The following MYO16 variants were observed in gnomAD, a reference collection of about 807,000 sequenced individuals.
MYO16 encodes the protein unconventional myosin-XVI.
A neutral mutation model predicts 205.3 loss-of-function variants in MYO16; 94 were observed. The observed-to-expected ratio is 0.46, with a 90% CI of 0.39 to 0.54. The LOEUF is 0.54. Ranked by LOEUF, MYO16 falls within the 20% of genes least tolerant of loss-of-function variation. MYO16 has a pLI of 0.00. For missense variants in MYO16, 2,315 were observed against 2,387.5 expected, an observed-to-expected ratio of 0.97 and a Z score of 0.63; for synonymous variants, 988 against 954.0, an observed-to-expected ratio of 1.04 and a Z score of -0.66.
the MYO16 span, among the ~76,000 whole-genome samples, chr13:108,498,367 C>G: frequency 2.6e-5 from 4 of 152,046 alleles, no homozygotes; most frequent in Non-Finnish European, 4.4e-5. Flanking sequence ...GATGTTGGGT[C>G]TTGCTGTCTC....
At chr13:108,964,041 G>T (rs1237074213) in intron 19 of MYO16, among the ~76,000 whole-genome samples, 1 of 152,138 alleles carries the variant, frequency 6.6e-6, no homozygotes, top group Admixed American at 6.6e-5. Context: ...AACCCGCATT[G>T]CACGTGGACC....
intron 23 of MYO16, among the ~76,000 whole-genome samples, chr13:109,029,213 C>T (rs1286128265): frequency 6.9e-6 from 1 of 144,136 alleles, no homozygotes; most frequent in African/African-American, 2.6e-5. Context: ...CTCCCAGGTT[C>T]AAGTGATTCT....
chr13:109,046,544 A>C (rs752249280), intron 23 of MYO16, among the ~76,000 whole-genome samples: 23 of 152,206 alleles, frequency 1.5e-4, no homozygotes, highest in Non-Finnish European at 3.2e-4. Flanking sequence ...AAATTTCTCA[A>C]ACTGAAATCA....
At chr13:108,677,286 G>C (rs1268080659) in intron 2 of MYO16, among the ~76,000 whole-genome samples, 2 of 149,760 alleles carry the variant, frequency 1.3e-5, no homozygotes, top group Admixed American at 1.3e-4. Flanking sequence ...GTTCTCCAGA[G>C]AACTAGAACC....
At chr13:108,501,979 C>T in the MYO16 span, among the ~76,000 whole-genome samples, 2 of 152,064 alleles carry the variant, frequency 1.3e-5, no homozygotes, top group Admixed American at 6.5e-5. Flanking sequence ...TTTGGGAGGC[C>T]GAGGCGGGCG....
Position 108,962,484 on chromosome 13 carries a change from A to G in MYO16, c.2216A>G (p.Gln739Arg). ...GCATCTGCCTTAACAACTGATATTCAATATTTTAAAGGTAATTTTTTTATG... is the reference window on the plus strand; with the variant it reads ...GCATCTGCCTTAACAACTGATATTCGATATTTTAAAGGTAATTTTTTTATG... ...ELASALTTDIQYFKGDMIIRR... is the reference protein window; with the variant it reads ...ELASALTTDIRYFKGDMIIRR... The change falls in exon 19 of 35, where the codon CAA becomes CGA. Residue 739 changes from glutamine to arginine, a missense_variant. Around this residue, in one of 3 missense-constraint regions of MYO16, gnomAD observed 1,213 missense variants for 1,274.4 expected, o/e 0.95. Coordinates refer to ENST00000457511, the MANE Select transcript of MYO16 (RefSeq NM_001198950.3). The G allele has an allele frequency of 6.3e-7, 1 of 1,578,644 alleles. No individual in the cohort carries two copies. The highest frequency in any genetic ancestry group is 8.6e-7 in the Non-Finnish European group (1 of 1,166,842).
chr13:109,023,310 ATATT>A (rs1197523952), intron 23 of MYO16, among the ~76,000 whole-genome samples: 2 of 85,658 alleles, frequency 2.3e-5, no homozygotes, highest in Non-Finnish European at 4.1e-5. Flanking sequence ...ATAAATATAT[ATATT>A]TATATATTAT....
chr13:108,539,154 G>A, the MYO16 span, among the ~76,000 whole-genome samples: 62 of 152,184 alleles, frequency 4.1e-4, no homozygotes, highest in African/African-American at 1.5e-3. Flanking sequence ...CTGTACCTGA[G>A]TTAAGAGGGA....
chr13:108,701,232 T>G (rs1883295420), intron 2 of MYO16, among the ~76,000 whole-genome samples: 1 of 152,092 alleles, frequency 6.6e-6, no homozygotes, highest in Non-Finnish European at 1.5e-5. Context: ...TTTCAAAGTC[T>G]CCACATTTTA....
intron 2 of MYO16, among the ~76,000 whole-genome samples, chr13:108,687,637 T>G (rs575949413): frequency 5.3e-5 from 8 of 152,312 alleles, no homozygotes; most frequent in African/African-American, 1.4e-4. Context: ...TAAAAAGAAC[T>G]TGATGTATTT....
chr13:108,957,401 A>AAAT (rs398024381), intron 16 of MYO16, among the ~76,000 whole-genome samples: 4 of 151,248 alleles, frequency 2.6e-5, no homozygotes, highest in Non-Finnish European at 4.4e-5. Flanking sequence ...AAAAAAAAAA[A>AAAT]CAAAAACATG....
At chr13:108,749,784 C>T (rs927249197) in intron 4 of MYO16, among the ~76,000 whole-genome samples, 2 of 152,204 alleles carry the variant, frequency 1.3e-5, no homozygotes, top group African/African-American at 4.8e-5. Flanking sequence ...GGTTTTTACA[C>T]AAATGAGTTG....
intron 16 of MYO16, among the ~76,000 whole-genome samples, chr13:108,935,752 T>C (rs1341085743): frequency 2.0e-5 from 3 of 152,116 alleles, no homozygotes. Flanking sequence ...CGATGTTGGC[T>C]GTAGGTTTAT....
chr13:108,706,274 A>G (rs1287191083), intron 2 of MYO16, among the ~76,000 whole-genome samples: 1 of 152,208 alleles, frequency 6.6e-6, no homozygotes, highest in African/African-American at 2.4e-5. Context: ...CGTGGCTGAA[A>G]AGGATTTCAT....
intron 32 of MYO16, among the ~76,000 whole-genome samples, chr13:109,148,008 C>G (rs867454343): frequency 6.6e-6 from 1 of 151,878 alleles, no homozygotes; most frequent in African/African-American, 2.4e-5. Flanking sequence ...GAATATGTCT[C>G]TTTGGAAGAA....
At chr13:109,094,809 C>A (rs898055159) in intron 27 of MYO16, among the ~76,000 whole-genome samples, 1 of 152,146 alleles carries the variant, frequency 6.6e-6, no homozygotes, top group Non-Finnish European at 1.5e-5. Flanking sequence ...TCATCCATGT[C>A]CCTGCAAAGG....
chr13:108,862,986 A>T (rs1177890598), intron 11 of MYO16, among the ~76,000 whole-genome samples: 1 of 152,102 alleles, frequency 6.6e-6, no homozygotes, highest in African/African-American at 2.4e-5. Context: ...ATGGAAAATA[A>T]GAAGAAAAAA....
intron 27 of MYO16, among the ~76,000 whole-genome samples, chr13:109,080,707 C>T (rs764379882): frequency 3.3e-5 from 5 of 151,972 alleles, no homozygotes; most frequent in Non-Finnish European, 5.9e-5. Flanking sequence ...ACCCGGAGAA[C>T]TCTGAGACAT....
chr13:108,819,600 A>G (rs1253996194), intron 7 of MYO16, among the ~76,000 whole-genome samples: 1 of 152,140 alleles, frequency 6.6e-6, no homozygotes, highest in Non-Finnish European at 1.5e-5. Flanking sequence ...AGTATACAGA[A>G]ATTTATTTCA....
Sources: gnomAD v4.1 joint callset for allele counts (sites outside exome capture counted in the v4.1 genomes callset) on GRCh38, gnomAD v4.1.1 for gene constraint, gnomAD v4.1.1 regional missense constraint, MANE v1.5 for transcripts, NCBI Gene and HGNC (gene_info 2026-07-23, HGNC 2026-07-21) for gene names.